Variants in CXXC5 observed in about 807,000 individuals in gnomAD.
The protein encoded by CXXC5 is CXXC-type zinc finger protein 5.
In CXXC5, 2 loss-of-function variants were observed where a neutral mutation model predicts 17.6. That is an observed-to-expected ratio of 0.11 (90% confidence interval 0.05 to 0.36). The LOEUF (loss-of-function observed/expected upper bound fraction) is 0.36, where lower values mean the gene tolerates loss of function less well. Ranked by LOEUF, CXXC5 falls within the 10% of genes least tolerant of loss-of-function variation. The pLI, the probability that CXXC5 is intolerant of heterozygous loss-of-function variation, is 1.00. For synonymous variants in CXXC5, 171 were observed against 193.0 expected, an observed-to-expected ratio of 0.89 and a Z score of 0.94; for missense variants, 343 against 458.3, an observed-to-expected ratio of 0.75 and a Z score of 2.30.
rs356445 is a variant in CXXC5 at position 139,680,901 on chromosome 5, G to A, written c.378G>A (p.Ala126=). The A allele has an allele frequency of 0.063, 101,100 of 1,603,942 alleles. 9,335 individuals carry two copies. Among genetic ancestry groups the A allele is most frequent in the African/African-American group, 0.43 (32,560 of 74,978 alleles). Residue 126 remains alanine, a synonymous_variant, in exon 2 of 3, where the codon GCG becomes GCA. Transcript: ENST00000302517. ...GGCATGACCTGGCGGCGGCCATGGC[G>A]GTGGACAAAAGCAACCCTACCTCAA... is the stretch of plus-strand genomic sequence containing the variant. The part of the protein sequence containing the change: ...ANGHDLAAAM[A]VDKSNPTSKH...
intron 1 of CXXC5, among the ~76,000 whole-genome samples, chr5:139,657,900 C>T (rs761087923): frequency 2.0e-4 from 31 of 152,080 alleles, no homozygotes; most frequent in Non-Finnish European, 1.0e-4. Flanking sequence ...CCCTCCTAGC[C>T]GCAGGATGGG....
intron 1 of CXXC5, among the ~76,000 whole-genome samples, chr5:139,676,638 C>A (rs192701745): frequency 7.2e-6 from 1 of 138,746 alleles, no homozygotes; most frequent in Non-Finnish European, 1.6e-5. Context: ...CTGGTCTCCT[C>A]GCCACTTCTC....
chr5:139,682,804 C>T (rs983699614), intron 2 of CXXC5, 59 bp from the exon 3 acceptor site: 47 of 1,512,256 alleles, frequency 3.1e-5, no homozygotes, highest in Non-Finnish European at 4.2e-5. Context: ...GTCTTTGCTC[C>T]AGGCCTACCC....
chr5:139,651,379 AGGCTG>A (rs757764053), intron 1 of CXXC5, among the ~76,000 whole-genome samples: 17 of 110,470 alleles, frequency 1.5e-4, no homozygotes, highest in East Asian at 9.0e-4. Context: ...CAGCTGGGCT[AGGCTG>A]GGCTGGGCTG....
chr5:139,650,311 G>A (rs57864522), intron 1 of CXXC5, among the ~76,000 whole-genome samples: 1 of 152,172 alleles, frequency 6.6e-6, no homozygotes, highest in Non-Finnish European at 1.5e-5. Flanking sequence ...GGGGAGCTAA[G>A]GGGGTGACCA....
In CXXC5 at chr5:139,668,826, C is replaced by A. The variant is rs1253384863; in HGVS notation, c.-160-11538C>A. 6.6e-6 allele frequency among the ~76,000 whole-genome samples: 1 copy of A among 152,168 alleles called. No homozygotes were observed. The highest frequency in any genetic ancestry group is 1.5e-5 in the Non-Finnish European group (1 of 68,034). ...TGTTGCACTGAGCACGGATCCAGTTCCTCTTGGCTTTGCCACAAACACAGT... is the reference window on the plus strand; with the variant it reads ...TGTTGCACTGAGCACGGATCCAGTTACTCTTGGCTTTGCCACAAACACAGT... On this transcript the variant is annotated intron_variant, in intron 1 of 2. Coordinates refer to ENST00000302517, the MANE Select transcript of CXXC5 (RefSeq NM_016463.9). This position sits in a 1 kb window ranked among gnomAD's most constrained non-coding sequence, Gnocchi z 4.1.
chr5:139,672,747 C>T (rs2126799012), intron 1 of CXXC5, among the ~76,000 whole-genome samples: 1 of 152,294 alleles, frequency 6.6e-6, no homozygotes, highest in East Asian at 1.9e-4. Context: ...CCATTCCTTT[C>T]CATTTTACAA....
At chr5:139,665,732 CT>C (rs905604826) in intron 1 of CXXC5, 1 of 152,310 alleles carries the variant, frequency 6.6e-6, no homozygotes, top group Non-Finnish European at 1.5e-5. Context: ...TGCTGACCCA[CT>C]GGAGACGTGC....
chr5:139,671,790 G>C (rs776110053), intron 1 of CXXC5, among the ~76,000 whole-genome samples: 1 of 152,214 alleles, frequency 6.6e-6, no homozygotes, highest in African/African-American at 2.4e-5. Context: ...TCCCCAAGCC[G>C]AGAGCTGAAC....
chr5:139,679,233 A>G (rs984053510), intron 1 of CXXC5, among the ~76,000 whole-genome samples: 1 of 152,138 alleles, frequency 6.6e-6, no homozygotes, highest in African/African-American at 2.4e-5. Context: ...GCCTCTGCCC[A>G]CCACCGCCCC....
intron 1 of CXXC5, among the ~76,000 whole-genome samples, chr5:139,671,594 GT>G (rs1756474347): frequency 6.6e-6 from 1 of 152,230 alleles, no homozygotes; most frequent in Non-Finnish European, 1.5e-5. Flanking sequence ...GCCGGAGCCG[GT>G]TTCCGTCCCG....
In CXXC5 at chr5:139,669,846, G is replaced by A. The variant is rs1201290247; in HGVS notation, c.-160-10518G>A. 3.3e-5 allele frequency among the ~76,000 whole-genome samples: 5 copies of A among 152,260 alleles called. No homozygotes were observed. In the East Asian group the frequency reaches 9.7e-4, roughly 29 times the overall value. ...AGGAGACCCCACTGCTGCCTCCTGTGCCCTGCAGTGGCCCTGCTCCCACTC... is the reference window on the plus strand; with the variant it reads ...AGGAGACCCCACTGCTGCCTCCTGTACCCTGCAGTGGCCCTGCTCCCACTC... On this transcript the variant is annotated intron_variant, in intron 1 of 2. Coordinates refer to ENST00000302517, the MANE Select transcript of CXXC5 (RefSeq NM_016463.9).
intron 1 of CXXC5, among the ~76,000 whole-genome samples, chr5:139,677,513 T>C (rs1756920165): frequency 6.6e-6 from 1 of 152,200 alleles, no homozygotes; most frequent in Non-Finnish European, 1.5e-5. Flanking sequence ...TGGAACAAGC[T>C]TGAGGACCAG....
At position 139,683,077 on chromosome 5, in the gene CXXC5, A is replaced by T. The variant is rs1188534785; in HGVS notation, c.*170A>T. 6 of 484,270 alleles carry T rather than the reference A, an allele frequency of 1.2e-5. No individual in the cohort carries two copies. The highest frequency in any genetic ancestry group is 2.0e-5 in the Non-Finnish European group (6 of 299,026). 30.0% of individuals were successfully genotyped at this position (484,270 alleles called of 1,614,324 possible). ...ATATATTTTTTGTTGTCGTTTTAAC[A>T]TCTCCACGTCCCTAGCATAAAAAGA... On this transcript the variant is annotated 3_prime_UTR_variant, in exon 3 of 3. Transcript: ENST00000302517.
At position 139,668,481 on chromosome 5, in the gene CXXC5, C is replaced by G. The variant is rs1255586936; in HGVS notation, c.-160-11883C>G. Among the ~76,000 whole-genome samples the G allele has an allele frequency of 6.6e-6, 1 of 151,346 alleles. No homozygotes were observed. The highest frequency in any genetic ancestry group is 1.9e-4 in the East Asian group (1 of 5,158). ...GCTACCTCCCGCGCCGCCCACTGCC[C>G]GCTCCAGGCCCGCTGCCCGCTCCAG... On this transcript the variant is annotated intron_variant, in intron 1 of 2. Coordinates refer to ENST00000302517, the MANE Select transcript of CXXC5 (RefSeq NM_016463.9). The surrounding 1 kb of genome is among the most constrained non-coding windows in gnomAD (Gnocchi z 4.1).
rs1342272801 is a variant in CXXC5 at position 139,682,871 on chromosome 5, G to A, written c.933G>A (p.Met311Ile). ...KKPSAALEKV[M>I]LPTGAAFRWF... Reference sequence around the variant, plus strand: ...TCTCCCGCCCCCGCCAGAAGGTGATGCTTCCGACGGGAGCCGCCTTCCGGT... The same window carrying A: ...TCTCCCGCCCCCGCCAGAAGGTGATACTTCCGACGGGAGCCGCCTTCCGGT... Residue 311 changes from methionine (M) to isoleucine (I), a missense_variant, in exon 3 of 3, where the codon ATG becomes ATA. Met to Ile is a conservative substitution (Grantham distance 10). Coordinates refer to ENST00000302517, the MANE Select transcript of CXXC5 (RefSeq NM_016463.9). 6.3e-7 allele frequency: 1 copy of A among 1,595,098 alleles called. No homozygotes were observed.
chr5:139,672,183 T>C (rs1187028327), intron 1 of CXXC5, among the ~76,000 whole-genome samples: 1 of 152,216 alleles, frequency 6.6e-6, no homozygotes, highest in Non-Finnish European at 1.5e-5. Context: ...AATGGCGTGA[T>C]CTTGGCTCAC....
At chr5:139,660,331 C>G (rs1231011564) in intron 1 of CXXC5, among the ~76,000 whole-genome samples, 1 of 152,170 alleles carries the variant, frequency 6.6e-6, no homozygotes, top group East Asian at 1.9e-4. Context: ...AGCTGTCATG[C>G]TCCCGCCCCT....
chr5:139,655,343 T>A (rs1755431467), intron 1 of CXXC5, among the ~76,000 whole-genome samples: 1 of 152,064 alleles, frequency 6.6e-6, no homozygotes, highest in Non-Finnish European at 1.5e-5. Context: ...ATGACCTTTG[T>A]CACTCACTGG....
Sources: gnomAD v4.1 joint callset for allele counts (sites outside exome capture counted in the v4.1 genomes callset) on GRCh38, gnomAD v4.1.1 for gene constraint, Gnocchi (gnomAD v3.1) non-coding constraint, MANE v1.5 for transcripts, NCBI Gene and HGNC (gene_info 2026-07-23, HGNC 2026-07-21) for gene names.